The following RABGAP1L variants were observed in gnomAD, a reference collection of about 807,000 sequenced individuals.
RABGAP1L encodes the protein RAB GTPase activating protein 1 like, also known as rab GTPase-activating protein 1-like.
RABGAP1L carries 63 observed loss-of-function variants against 137.7 expected under a neutral mutation model. The ratio of observed to expected loss-of-function variants is 0.46; its 90% CI spans 0.37 to 0.56. The LOEUF (loss-of-function observed/expected upper bound fraction) is 0.56. Among genes scored for constraint, RABGAP1L ranks in the 20% least tolerant of loss-of-function variants. The probability of loss-of-function intolerance (pLI) is 0.00; values close to 1 mark genes in which losing one functional copy is unlikely to be tolerated. For missense variants in RABGAP1L, 1,095 were observed against 1,244.0 expected (o/e 0.88, Z 1.80); for synonymous variants, 431 against 433.7 (o/e 0.99, Z 0.08).
At chr1:174,708,537 A>G (rs1386741955) in intron 17 of RABGAP1L, among the ~76,000 whole-genome samples, 1 of 152,158 alleles carries the variant, frequency 6.6e-6, no homozygotes, top group Non-Finnish European at 1.5e-5. Context: ...GGGAAGCACA[A>G]GGGGTCAAGG....
intron 14 of RABGAP1L, among the ~76,000 whole-genome samples, chr1:174,668,283 C>G (rs538457327): frequency 6.6e-6 from 1 of 152,282 alleles, no homozygotes; most frequent in African/African-American, 2.4e-5. Flanking sequence ...ACCACAGCCT[C>G]TGGTGACCAC....
intron 15 of RABGAP1L, among the ~76,000 whole-genome samples, chr1:174,689,389 ACTCTTT>A (rs1341176691): frequency 6.6e-6 from 1 of 151,400 alleles, no homozygotes; most frequent in African/African-American, 2.4e-5. Context: ...ATTATTCAAG[ACTCTTT>A]CTGCTGCATG....
chr1:174,256,386 T>A (rs531954650), intron 7 of RABGAP1L, among the ~76,000 whole-genome samples: 1 of 152,272 alleles, frequency 6.6e-6, no homozygotes, highest in East Asian at 1.9e-4. Context: ...ATGATGATGA[T>A]GTTAATTCTG....
chr1:174,623,443 A>T (rs753521019), intron 13 of RABGAP1L, among the ~76,000 whole-genome samples: 44 of 152,180 alleles, frequency 2.9e-4, no homozygotes, highest in Non-Finnish European at 5.0e-4. Context: ...AGCTGACAGA[A>T]AGCTGTTATA....
At chr1:174,959,777 T>C (rs1037763338) in intron 20 of RABGAP1L, among the ~76,000 whole-genome samples, 2 of 152,204 alleles carry the variant, frequency 1.3e-5, no homozygotes, top group African/African-American at 4.8e-5. Context: ...AGTTCTTAGA[T>C]TATAATTACA....
At chr1:174,469,612 T>C (rs978436254) in intron 13 of RABGAP1L, among the ~76,000 whole-genome samples, 1 of 151,930 alleles carries the variant, frequency 6.6e-6, no homozygotes, top group Non-Finnish European at 1.5e-5. Flanking sequence ...TTAGGAGGGG[T>C]TCCATCCTGG....
At chr1:174,492,328 A>G (rs1263577665) in intron 13 of RABGAP1L, among the ~76,000 whole-genome samples, 1 of 148,086 alleles carries the variant, frequency 6.8e-6, no homozygotes, top group Non-Finnish European at 1.5e-5. Context: ...TTACAGGTGC[A>G]TGCCACCACG....
chr1:174,719,984 C>T (rs1478012591), intron 17 of RABGAP1L, among the ~76,000 whole-genome samples: 1 of 151,104 alleles, frequency 6.6e-6, no homozygotes, highest in East Asian at 1.9e-4. Context: ...CAGTATTTCT[C>T]AAAGTGTAGT....
intron 18 of RABGAP1L, chr1:174,800,436 A>G (rs1349244246): frequency 6.4e-7 from 1 of 1,550,920 alleles, no homozygotes; most frequent in Non-Finnish European, 8.7e-7. Flanking sequence ...GTGAATGAGT[A>G]TGCGTGTCGA....
chr1:174,727,432 A>G (rs1458309238), intron 17 of RABGAP1L, among the ~76,000 whole-genome samples: 1 of 152,236 alleles, frequency 6.6e-6, no homozygotes, highest in Non-Finnish European at 1.5e-5. Context: ...TAGTCTGCAC[A>G]TCTAACTTTT....
intron 17 of RABGAP1L, among the ~76,000 whole-genome samples, chr1:174,708,759 G>GTTTGTTTTGT (rs757821215): frequency 1.3e-5 from 2 of 152,062 alleles, no homozygotes; most frequent in African/African-American, 2.4e-5. Flanking sequence ...GTTTTTGTTT[G>GTTTGTTTTGT]TTTGTTTTGT....
In RABGAP1L at chr1:174,733,983, A is replaced by C. The variant is rs147260178; in HGVS notation, c.2170-18330A>C. Reference sequence around the variant, plus strand: ...GATATGTTTACCAAGTAGATCCAAAAAGATTTGCTGATGGTTTAACTGTTC... The same window carrying C: ...GATATGTTTACCAAGTAGATCCAAACAGATTTGCTGATGGTTTAACTGTTC... On this transcript the variant is annotated intron_variant, in intron 17 of 25. Coordinates refer to ENST00000681986, the MANE Select transcript of RABGAP1L (RefSeq NM_001366446.1). Among the ~76,000 whole-genome samples the C allele has an allele frequency of 9.8e-5, 15 of 152,354 alleles. No homozygotes were observed. The East Asian group carries it at 2.9e-3, about 29-fold the overall frequency.
At chr1:174,691,369 T>C (rs1678866504) in intron 15 of RABGAP1L, among the ~76,000 whole-genome samples, 1 of 152,216 alleles carries the variant, frequency 6.6e-6, no homozygotes, top group Non-Finnish European at 1.5e-5. Context: ...CTTTGTTTTA[T>C]AGTTTCTTGT....
intron 20 of RABGAP1L, among the ~76,000 whole-genome samples, chr1:174,968,547 T>G (rs983423789): frequency 1.6e-4 from 24 of 152,094 alleles, no homozygotes; most frequent in Non-Finnish European, 3.5e-4. Flanking sequence ...TTCGTTTTTT[T>G]GTTTGTTTTT....
Position 174,648,427 on chromosome 1 carries a change from G to T in RABGAP1L, c.1824+10939G>T, listed in dbSNP as rs189389407. On this transcript the variant is annotated intron_variant, in intron 14 of 25. Transcript: ENST00000681986. The stretch of plus-strand genomic sequence containing the variant: ...TGTCTTTGTTCTCATTGGTTTCAAA[G>T]AACTTATTTATTTCCACCTTAATTT... 1.6e-3 allele frequency among the ~76,000 whole-genome samples: 236 copies of T among 152,208 alleles called. 2 individuals carry two copies. Among genetic ancestry groups the T allele is most frequent in the African/African-American group, 5.5e-3 (229 of 41,518 alleles).
At chr1:174,965,968 AC>A (rs1238645232) in intron 20 of RABGAP1L, among the ~76,000 whole-genome samples, 1 of 152,202 alleles carries the variant, frequency 6.6e-6, no homozygotes, top group Non-Finnish European at 1.5e-5. Context: ...ATGAGAAGTT[AC>A]TAGTCAGAAT....
intron 19 of RABGAP1L, among the ~76,000 whole-genome samples, chr1:174,948,509 CAAAAA>C (rs3086627): frequency 4.6e-5 from 3 of 64,888 alleles, no homozygotes; most frequent in Non-Finnish European, 5.7e-5. Flanking sequence ...GACCCTGCCT[CAAAAA>C]AAAAAAAAAA....
At chr1:174,432,576 T>A (rs1361582615) in intron 13 of RABGAP1L, among the ~76,000 whole-genome samples, 1 of 152,172 alleles carries the variant, frequency 6.6e-6, no homozygotes, top group Non-Finnish European at 1.5e-5. Context: ...TCTCTCACTG[T>A]CACCAGGCTG....
chr1:174,410,978 A>T (rs183879484), intron 13 of RABGAP1L, among the ~76,000 whole-genome samples: 2 of 152,032 alleles, frequency 1.3e-5, no homozygotes, highest in Non-Finnish European at 2.9e-5. Context: ...ATGTATTCCT[A>T]GGTATATTTT....
Sources: allele counts gnomAD v4.1 joint callset (sites outside exome capture counted in the v4.1 genomes callset), GRCh38; gene constraint gnomAD v4.1.1; transcripts MANE v1.5; gene names NCBI Gene and HGNC (gene_info 2026-07-23, HGNC 2026-07-21).